Variants in AKR1B10 observed in about 807,000 individuals in gnomAD.
AKR1B10 encodes aldo-keto reductase family 1 member B10.
AKR1B10 carries 39 observed loss-of-function variants against 38.9 expected under a neutral mutation model. That is an observed-to-expected ratio of 1.00 (90% CI 0.78 to 1.31). The LOEUF is 1.31. AKR1B10 is among the 50% of genes most tolerant of loss of function. The probability of loss-of-function intolerance (pLI) is 0.00; values close to 1 mark genes in which losing one functional copy is unlikely to be tolerated. For synonymous variants in AKR1B10, 148 were observed against 141.2 expected, an observed-to-expected ratio of 1.05 and a Z score of -0.34; for missense variants, 361 against 382.6, an observed-to-expected ratio of 0.94 and a Z score of 0.47.
chr7:134,530,722 A>G lies in AKR1B10; in HGVS notation c.146A>G (p.Tyr49Cys), dbSNP rs757698460. 4.3e-6 allele frequency: 7 copies of G among 1,613,984 alleles called. No homozygotes were observed. The African/African-American group carries it at 6.7e-5, about 15-fold the overall frequency. The part of the protein sequence containing the change: ...GYRHIDCAYV[Y>C]QNEHEVGEAI... The stretch of plus-strand genomic sequence containing the variant: ...CGGCACATTGACTGTGCCTATGTCT[A>G]TCAGAATGAACATGAAGTGGGGGAA... The change falls in exon 2 of 10, where the codon TAT (tyrosine) becomes TGT (cysteine). Residue 49 changes from tyrosine to cysteine, a missense_variant. By Grantham distance (194) the Tyr-to-Cys change is radical. Coordinates refer to ENST00000359579, the MANE Select transcript of AKR1B10 (RefSeq NM_020299.5).
intron 8 of AKR1B10, among the ~76,000 whole-genome samples, chr7:134,538,728 C>T (rs1157371431): frequency 2.6e-5 from 4 of 152,174 alleles, no homozygotes; most frequent in African/African-American, 7.2e-5. Context: ...CTCCCTCCCC[C>T]CAGAACACTG....
At chr7:134,532,046 A>C (rs1807873131) in intron 3 of AKR1B10, 22 bp downstream of exon 3, 4 of 1,613,182 alleles carry the variant, frequency 2.5e-6, no homozygotes, top group East Asian at 2.2e-5. Context: ...TCTCTTTCTC[A>C]GCCTCTAGTT....
chr7:134,541,261 T>A lies in AKR1B10; in HGVS notation c.*172T>A. The A allele has an allele frequency of 1.8e-6, 1 of 554,734 alleles. No homozygotes were observed. 34.4% of individuals were successfully genotyped at this position (554,734 alleles called of 1,614,324 possible). On this transcript the variant is annotated 3_prime_UTR_variant, in exon 10 of 10. Transcript: ENST00000359579. ...AGACATTTATTTCTGTATGTTCAAC[T>A]AGGATCAGAATATCACAGAAAAGCA...
chr7:134,539,460 A>G (rs1309135787), intron 9 of AKR1B10, among the ~76,000 whole-genome samples: 1 of 152,214 alleles, frequency 6.6e-6, no homozygotes, highest in African/African-American at 2.4e-5. Context: ...AATGCTAGAC[A>G]GAAAAATAAA....
Position 134,527,704 on chromosome 7 carries a change from G to A in AKR1B10, c.-208G>A, listed in dbSNP as rs1807717823. 2 of 437,300 alleles carry A rather than the reference G, an allele frequency of 4.6e-6. No individual in the cohort carries two copies. The highest frequency in any genetic ancestry group is 4.0e-5 in the African/African-American group (2 of 50,428). 27.1% of individuals were successfully genotyped at this position (437,300 alleles called of 1,614,324 possible). On this transcript the variant is annotated 5_prime_UTR_variant, in exon 1 of 10. Transcript: ENST00000359579. Reference sequence around the variant, plus strand: ...CTACTAACAATATAAAAATTAGCTGGGAGTCACGGTGGGCGCCTGTAATCC... The same window carrying A: ...CTACTAACAATATAAAAATTAGCTGAGAGTCACGGTGGGCGCCTGTAATCC...
chr7:134,529,797 T>C (rs1807801242), intron 1 of AKR1B10, among the ~76,000 whole-genome samples: 1 of 152,124 alleles, frequency 6.6e-6, no homozygotes, highest in African/African-American at 2.4e-5. Flanking sequence ...TTCTTTTCTT[T>C]TCTTTCCTTC....
chr7:134,536,853 C>T (rs1808022968), intron 5 of AKR1B10, 81 bp downstream of exon 5: 1 of 1,592,904 alleles, frequency 6.3e-7, no homozygotes. Flanking sequence ...AATGCTATGC[C>T]CTGAGTCTCA....
At position 134,530,643 on chromosome 7, in the gene AKR1B10, T is replaced by C; in HGVS notation, c.67T>C (p.Ser23Pro). 6.2e-7 allele frequency: 1 copy of C among 1,613,864 alleles called. No homozygotes were observed. The highest frequency in any genetic ancestry group is 8.5e-7 in the Non-Finnish European group (1 of 1,179,878). The change falls in exon 2 of 10, where the codon TCT (serine) becomes CCT (proline). Residue 23 changes from serine (S) to proline (P), a missense_variant and splice_region_variant. Around this residue, in one of 3 missense-constraint regions of AKR1B10, gnomAD observed 220 missense variants for 216.1 expected, o/e 1.02. Transcript: ENST00000359579. Reference sequence around the variant, plus strand: ...GATGAGCTTTTCTTTTGCCTTTCAGTCTCCTCTTGGCAAAGTGAAAGAAGC... The same window carrying C: ...GATGAGCTTTTCTTTTGCCTTTCAGCCTCCTCTTGGCAAAGTGAAAGAAGC... ...MPIVGLGTWK[S>P]PLGKVKEAVK...
intron 3 of AKR1B10, among the ~76,000 whole-genome samples, chr7:134,532,703 G>A (rs1174509043): frequency 2.6e-5 from 4 of 152,122 alleles, no homozygotes; most frequent in African/African-American, 9.7e-5. Flanking sequence ...TGAAATGAAA[G>A]TTTGCCCTTG....
intron 9 of AKR1B10, 150 bp downstream of exon 9, chr7:134,539,167 G>A: frequency 1.2e-6 from 1 of 838,030 alleles, no homozygotes; most frequent in South Asian, 1.7e-5. Context: ...GGGGTACCTG[G>A]GAATCACTGT....
At position 134,541,094 on chromosome 7, in the gene AKR1B10, G is replaced by A. The variant is rs760125891; in HGVS notation, c.*5G>A. 5.1e-6 allele frequency: 8 copies of A among 1,566,836 alleles called. No homozygotes were observed. The highest frequency in any genetic ancestry group is 4.5e-5 in the South Asian group (4 of 89,630). On this transcript the variant is annotated 3_prime_UTR_variant, in exon 10 of 10. Coordinates refer to ENST00000359579, the MANE Select transcript of AKR1B10 (RefSeq NM_020299.5). ...CCCTTCAATGCAGAATATTGAGGTT[G>A]AATCTCCTGGTGAGATTATACAGGA...
chr7:134,539,065 A>G (rs1808084890), intron 9 of AKR1B10, 48 bp downstream of exon 9: 2 of 1,608,108 alleles, frequency 1.2e-6, no homozygotes, highest in East Asian at 2.2e-5. Flanking sequence ...GTTTTTCTAA[A>G]CTAATAGAGG....
Position 134,541,142 on chromosome 7 carries a change from G to A in AKR1B10, c.*53G>A, listed in dbSNP as rs373261293. ...GGAGATTCTCTTTCTTCGCTGAAGT[G>A]TGACTACCTCCACTCATGTCCCATT... On this transcript the variant is annotated 3_prime_UTR_variant, in exon 10 of 10. Transcript: ENST00000359579. 7 of 1,351,374 alleles carry A rather than the reference G, an allele frequency of 5.2e-6. No homozygotes were observed. The highest frequency in any genetic ancestry group is 4.3e-5 in the African/African-American group (3 of 68,994). The allele number at this position is 1,351,374 out of a possible 1,614,324, so 83.7% of individuals were successfully genotyped here.
At position 134,530,623 on chromosome 7, in the gene AKR1B10, GC is replaced by G; in HGVS notation, c.67-19del. 6.2e-7 allele frequency: 1 copy of G among 1,613,616 alleles called. No homozygotes were observed. The highest frequency in any genetic ancestry group is 8.5e-7 in the Non-Finnish European group (1 of 1,179,704). On this transcript the variant is annotated intron_variant, in intron 1 of 9. Coordinates refer to ENST00000359579, the MANE Select transcript of AKR1B10 (RefSeq NM_020299.5). ...CTTAAAAAAAACACATATGTGATGAGCTTTTCTTTTGCCTTTCAGTCTCCTC... is the reference window on the plus strand; with the variant it reads ...CTTAAAAAAAACACATATGTGATGAGTTTTCTTTTGCCTTTCAGTCTCCTC...
chr7:134,530,504 G>T, intron 1 of AKR1B10, 139 bp from the exon 2 acceptor site: 2 of 869,120 alleles, frequency 2.3e-6, no homozygotes, highest in Non-Finnish European at 3.5e-6. Flanking sequence ...GATGGTTGCT[G>T]AGAGTGGTGT....
At chr7:134,533,208 T>C (rs1807911108) in intron 4 of AKR1B10, 127 bp downstream of exon 4, 4 of 742,954 alleles carry the variant, frequency 5.4e-6, no homozygotes. Flanking sequence ...TTTCTAGCTC[T>C]TCTAATATCT....
intron 1 of AKR1B10, among the ~76,000 whole-genome samples, chr7:134,528,334 A>G (rs529193362): frequency 5.3e-5 from 8 of 152,224 alleles, no homozygotes; most frequent in African/African-American, 1.4e-4. Flanking sequence ...TGGGTGGTTG[A>G]GGAGAGGATG....
At chr7:134,540,231 A>T (rs1203696413) in intron 9 of AKR1B10, among the ~76,000 whole-genome samples, 10 of 151,986 alleles carry the variant, frequency 6.6e-5, no homozygotes, top group Non-Finnish European at 1.3e-4. Context: ...AAAAAAAAAA[A>T]GGTTTCAGTA....
At chr7:134,531,482 C>G (rs771944280) in intron 2 of AKR1B10, among the ~76,000 whole-genome samples, 1 of 152,074 alleles carries the variant, frequency 6.6e-6, no homozygotes, top group Non-Finnish European at 1.5e-5. Flanking sequence ...TCACTTGGGG[C>G]CTTATAGGCT....
Sources: gnomAD v4.1 joint callset for allele counts (sites outside exome capture counted in the v4.1 genomes callset) on GRCh38, gnomAD v4.1.1 for gene constraint, gnomAD v4.1.1 regional missense constraint, MANE v1.5 for transcripts, NCBI Gene and HGNC (gene_info 2026-07-23, HGNC 2026-07-21) for gene names.